The following FIG4 variants were observed in gnomAD, a reference collection of about 807,000 sequenced individuals.
FIG4 encodes FIG4 phosphoinositide 5-phosphatase, also known as polyphosphoinositide phosphatase.
A neutral mutation model predicts 118.6 loss-of-function variants in FIG4; 112 were observed. The observed-to-expected ratio is 0.94, with a 90% CI of 0.81 to 1.11. FIG4 has a LOEUF of 1.11. FIG4 is among the 50% of genes least tolerant of loss of function. The pLI is 0.00. For synonymous variants in FIG4, 369 were observed against 381.2 expected (o/e 0.97, Z 0.37); for missense variants, 969 against 1,111.7 (o/e 0.87, Z 1.83).
intron 10 of FIG4, 83 bp downstream of exon 10, chr6:109,743,855 A>G (rs1273382860): frequency 4.3e-6 from 4 of 921,594 alleles, no homozygotes; most frequent in Non-Finnish European, 5.4e-6. Context: ...TTAACAAGCC[A>G]TGCTTTCCCT....
intron 17 of FIG4, chr6:109,785,984 A>C: frequency 2.8e-6 from 1 of 351,248 alleles, no homozygotes; most frequent in Non-Finnish European, 5.4e-6. Flanking sequence ...TTTTAGCTAA[A>C]ACACAAAGGG....
At chr6:109,737,693 A>G (rs1767505082) in intron 6 of FIG4, among the ~76,000 whole-genome samples, 1 of 152,202 alleles carries the variant, frequency 6.6e-6, no homozygotes. Context: ...TAATACATTT[A>G]TCTGGATATG....
intron 4 of FIG4, among the ~76,000 whole-genome samples, chr6:109,729,550 A>G (rs1324121501): frequency 1.3e-5 from 2 of 152,172 alleles, no homozygotes; most frequent in African/African-American, 2.4e-5. Context: ...AAACAGCATC[A>G]TTTCCTACTT....
intron 8 of FIG4, 128 bp downstream of exon 8, chr6:109,741,672 G>A: frequency 1.4e-6 from 1 of 723,714 alleles, no homozygotes; most frequent in Non-Finnish European, 2.5e-6. Flanking sequence ...GAATACAGTT[G>A]CCTTTTAGTA....
intron 4 of FIG4, 141 bp downstream of exon 4, chr6:109,727,406 T>C (rs1329720541): frequency 1.4e-6 from 1 of 695,780 alleles, no homozygotes; most frequent in Non-Finnish European, 2.6e-6. Context: ...TTTTTTAATG[T>C]CGTAGATCAG....
At position 109,789,651 on chromosome 6, in the gene FIG4, A is replaced by G. The variant is rs201138266; in HGVS notation, c.2154A>G (p.Pro718=). The change falls in exon 19 of 23, where the codon CCA becomes CCG. Residue 718 remains proline, a synonymous_variant. Transcript: ENST00000230124. ...IDPSPFTVRK[P]DETGKSVLGN... ...CAAGTCCATTTACTGTGCGTAAACC[A>G]GATGAAACTGGAAAATCAGTATTGG... 1.0e-4 allele frequency: 169 copies of G among 1,613,270 alleles called. No homozygotes were observed. Among genetic ancestry groups the G allele is most frequent in the Middle Eastern group, 4.9e-4 (3 of 6,080 alleles).
In FIG4 at chr6:109,732,618, T is replaced by C. The variant is rs1562651409; in HGVS notation, c.447-19T>C. On this transcript the variant is annotated intron_variant, in intron 4 of 22. Coordinates refer to ENST00000230124, the MANE Select transcript of FIG4 (RefSeq NM_014845.6). ...ATAGTATTGGACAAATGAAATGTAC[T>C]TTGTTTTTTTTTTTTTAGGTATCTA... 2.6e-6 allele frequency: 3 copies of C among 1,147,688 alleles called. No individual in the cohort carries two copies. The African/African-American group carries it at 9.4e-5, about 36-fold the overall frequency. 71.1% of individuals were successfully genotyped at this position (1,147,688 alleles called of 1,614,324 possible).
intron 21 of FIG4, 79 bp downstream of exon 21, chr6:109,792,743 T>A: frequency 1.2e-6 from 1 of 814,646 alleles, no homozygotes; most frequent in Non-Finnish European, 2.0e-6. Flanking sequence ...TACCTTTTTT[T>A]TTTTTTTTTT....
intron 10 of FIG4, among the ~76,000 whole-genome samples, chr6:109,758,475 T>C (rs968928724): frequency 1.3e-5 from 2 of 152,162 alleles, no homozygotes; most frequent in African/African-American, 4.8e-5. Flanking sequence ...GATTAAACAC[T>C]TAAATGTAAG....
intron 18 of FIG4, 103 bp downstream of exon 18, chr6:109,786,552 C>T: frequency 1.5e-6 from 2 of 1,315,446 alleles, no homozygotes; most frequent in Non-Finnish European, 2.2e-6. Context: ...TGTAGGCCTT[C>T]TGTCAGGTGG....
chr6:109,758,287 C>T (rs1298019759), intron 10 of FIG4, among the ~76,000 whole-genome samples: 2 of 151,308 alleles, frequency 1.3e-5, no homozygotes, highest in African/African-American at 2.4e-5. Context: ...AGAACAGAGG[C>T]CTCAGAAATG....
At chr6:109,780,085 G>T (rs778195674) in intron 16 of FIG4, among the ~76,000 whole-genome samples, 1 of 152,138 alleles carries the variant, frequency 6.6e-6, no homozygotes, top group Non-Finnish European at 1.5e-5. Context: ...TCACTTAACT[G>T]GTCTCATTCT....
At chr6:109,771,512 A>G (rs1248943868) in intron 15 of FIG4, among the ~76,000 whole-genome samples, 4 of 117,762 alleles carry the variant, frequency 3.4e-5, no homozygotes, top group Non-Finnish European at 4.8e-5. Flanking sequence ...TCTGTGGCCC[A>G]GGCTGGAGTG....
intron 5 of FIG4, among the ~76,000 whole-genome samples, chr6:109,734,945 T>C (rs747098194): frequency 3.3e-5 from 5 of 152,198 alleles, no homozygotes; most frequent in Non-Finnish European, 7.3e-5. Context: ...GTCATGCAGA[T>C]GCCTAGTCAT....
At chr6:109,768,800 A>T (rs547346183) in intron 15 of FIG4, among the ~76,000 whole-genome samples, 1 of 152,270 alleles carries the variant, frequency 6.6e-6, no homozygotes, top group East Asian at 1.9e-4. Context: ...ACACGGGGGA[A>T]ATCCACATCC....
intron 6 of FIG4, among the ~76,000 whole-genome samples, chr6:109,737,914 T>G (rs1325797091): frequency 3.3e-5 from 5 of 152,158 alleles, no homozygotes; most frequent in Non-Finnish European, 5.9e-5. Flanking sequence ...TGATTGTGCC[T>G]GACCCTGCTG....
At chr6:109,809,563 G>C (rs1583765457) in intron 22 of FIG4, among the ~76,000 whole-genome samples, 1 of 152,140 alleles carries the variant, frequency 6.6e-6, no homozygotes, top group African/African-American at 2.4e-5. Context: ...TGTTCGCATA[G>C]GGTAGTTGAT....
chr6:109,728,212 G>A (rs1231090307), intron 4 of FIG4, among the ~76,000 whole-genome samples: 2 of 152,174 alleles, frequency 1.3e-5, no homozygotes, highest in Non-Finnish European at 2.9e-5. Context: ...AAAATAAAAT[G>A]TATTTGTATA....
intron 22 of FIG4, among the ~76,000 whole-genome samples, chr6:109,806,466 CAT>C (rs763720915): frequency 3.8e-4 from 58 of 151,908 alleles, no homozygotes; most frequent in African/African-American, 5.6e-4. Context: ...AATGTGCACA[CAT>C]GTGTGCACAC....
Sources: allele counts gnomAD v4.1 joint callset (sites outside exome capture counted in the v4.1 genomes callset), GRCh38; gene constraint gnomAD v4.1.1; transcripts MANE v1.5; gene names NCBI Gene and HGNC (gene_info 2026-07-23, HGNC 2026-07-21).